PCDHGB1: variants seen among roughly 807,000 people sequenced by gnomAD.
PCDHGB1 encodes protocadherin gamma-B1.
A neutral mutation model predicts 56.6 loss-of-function variants in PCDHGB1; 34 were observed. The observed-to-expected ratio is 0.60, with a 90% CI of 0.46 to 0.80. The LOEUF is 0.80. Ranked by LOEUF, PCDHGB1 falls within the 30% of genes least tolerant of loss-of-function variation. PCDHGB1 has a pLI of 0.00. For missense variants in PCDHGB1, 1,278 were observed against 1,204.6 expected (o/e 1.06, Z -0.90); for synonymous variants, 561 against 505.9 (o/e 1.11, Z -1.46).
chr5:141,415,177 G>C, intron 1 of PCDHGB1: 3 of 1,613,926 alleles, frequency 1.9e-6, no homozygotes, highest in Non-Finnish European at 2.5e-6. Context: ...CACCGTGGCC[G>C]TGGCCGACAG....
chr5:141,384,606 A>G (rs770325322), intron 1 of PCDHGB1: 1 of 1,614,152 alleles, frequency 6.2e-7, no homozygotes, highest in Admixed American at 1.7e-5. Context: ...CCCTCCCCAC[A>G]GATGGTTCTA....
intron 1 of PCDHGB1, chr5:141,375,832 G>A (rs1771947844): frequency 2.5e-6 from 4 of 1,614,028 alleles, no homozygotes; most frequent in Non-Finnish European, 3.4e-6. Context: ...GCTCCGCAGA[G>A]CCCGGCTACC....
intron 1 of PCDHGB1, chr5:141,419,630 G>A (rs1484627772): frequency 6.2e-7 from 1 of 1,612,430 alleles, no homozygotes; most frequent in South Asian, 1.1e-5. Context: ...GGTGACCAAG[G>A]TGGTGGCCGT....
In PCDHGB1 at chr5:141,485,956, C is replaced by T. The variant is rs1430530851; in HGVS notation, c.2410-8851C>T. 1 of 1,614,150 alleles carries T rather than the reference C, an allele frequency of 6.2e-7. No individual in the cohort carries two copies. Among genetic ancestry groups the T allele is most frequent in the South Asian group, 1.1e-5 (1 of 91,074 alleles). ...AGAGCGCACCAGCGGGCATGGTGCT[C>T]ATCCAGCTCAATGCCTCAGACCCGG... On this transcript the variant is annotated intron_variant, in intron 1 of 3. Coordinates refer to ENST00000523390, the MANE Select transcript of PCDHGB1 (RefSeq NM_018922.3). This position sits in a 1 kb window ranked among gnomAD's most constrained non-coding sequence, Gnocchi z 5.7.
chr5:141,355,141 G>GAAAA, intron 1 of PCDHGB1: 1 of 1,526,010 alleles, frequency 6.6e-7, no homozygotes, highest in East Asian at 2.3e-5. Flanking sequence ...AGATCCTGGG[G>GAAAA]CTCCTCAGGC....
Position 141,366,742 on chromosome 5 carries a change from G to A in PCDHGB1, c.2409+14073G>A, listed in dbSNP as rs762560261. ...AGGTAGATGCAAACAAAGAAGAACGGCGAGTTCAGGTTAGTTTTCTCTTTC... is the reference window on the plus strand; with the variant it reads ...AGGTAGATGCAAACAAAGAAGAACGACGAGTTCAGGTTAGTTTTCTCTTTC... On this transcript the variant is annotated intron_variant, in intron 1 of 3. Transcript: ENST00000523390. 3 of 1,611,864 alleles carry A rather than the reference G, an allele frequency of 1.9e-6. No homozygotes were observed. The East Asian group carries it at 6.7e-5, about 36-fold the overall frequency.
intron 1 of PCDHGB1, chr5:141,383,409 C>A (rs199780721): frequency 4.3e-6 from 7 of 1,613,892 alleles, no homozygotes; most frequent in Non-Finnish European, 5.9e-6. Flanking sequence ...TCCAGAGTTA[C>A]CAGCTCAGCC....
In PCDHGB1 at chr5:141,489,094, G is replaced by T; in HGVS notation, c.2410-5713G>T. The T allele has an allele frequency of 1.5e-5, 6 of 395,994 alleles. No homozygotes were observed. The highest frequency in any genetic ancestry group is 4.1e-5 in the East Asian group (1 of 24,388). The allele number at this position is 395,994 out of a possible 1,614,324, so 24.5% of individuals were successfully genotyped here. ...CCCACCCCCGCCACTCGGTGACTAA[G>T]AACTGCTGCAAGCAGGCAAACCTCC... On this transcript the variant is annotated intron_variant, in intron 1 of 3. Coordinates refer to ENST00000523390, the MANE Select transcript of PCDHGB1 (RefSeq NM_018922.3). This position sits in a 1 kb window ranked among gnomAD's most constrained non-coding sequence, Gnocchi z 4.5.
chr5:141,477,059 A>G lies in PCDHGB1; in HGVS notation c.2410-17748A>G. On this transcript the variant is annotated intron_variant, in intron 1 of 3. Coordinates refer to ENST00000523390, the MANE Select transcript of PCDHGB1 (RefSeq NM_018922.3). This position sits in a 1 kb window ranked among gnomAD's most constrained non-coding sequence, Gnocchi z 4.9. ...CAAGGGTCGGCTGGACTTCGAGGAC[A>G]CCAAACTCCATGAGATTTACATCCA... The G allele has an allele frequency of 1.2e-6, 2 of 1,614,238 alleles. No individual in the cohort carries two copies. Among genetic ancestry groups the G allele is most frequent in the Non-Finnish European group, 1.7e-6 (2 of 1,180,036 alleles).
At chr5:141,365,854 C>T (rs570866859) in intron 1 of PCDHGB1, 1 of 1,614,060 alleles carries the variant, frequency 6.2e-7, no homozygotes, top group Non-Finnish European at 8.5e-7. Flanking sequence ...TATCCATTAA[C>T]TCTGACACCG....
chr5:141,388,004 A>G, intron 1 of PCDHGB1: 1 of 1,482,610 alleles, frequency 6.7e-7, no homozygotes, highest in Non-Finnish European at 9.1e-7. Context: ...TTCCCGAGGA[A>G]ATGCCCAAGG....
chr5:141,432,413 G>T lies in PCDHGB1; in HGVS notation c.2410-62394G>T, dbSNP rs369816901. On this transcript the variant is annotated intron_variant, in intron 1 of 3. Transcript: ENST00000523390. This position sits in a 1 kb window ranked among gnomAD's most constrained non-coding sequence, Gnocchi z 6.0. ...CAGCAACGTGTCGTTGAGCCTGTTCGTGCTGGACCAGAACGACAATGCGCC... is the reference window on the plus strand; with the variant it reads ...CAGCAACGTGTCGTTGAGCCTGTTCTTGCTGGACCAGAACGACAATGCGCC... The T allele has an allele frequency of 6.2e-7, 1 of 1,614,232 alleles. No homozygotes were observed.
intron 1 of PCDHGB1, among the ~76,000 whole-genome samples, chr5:141,463,541 C>T (rs1423301726): frequency 2.7e-5 from 4 of 150,402 alleles, no homozygotes; most frequent in East Asian, 2.0e-4. Flanking sequence ...CTCCGGCTCC[C>T]GGGTTCATGC....
intron 1 of PCDHGB1, among the ~76,000 whole-genome samples, chr5:141,494,030 A>G (rs1165393646): frequency 6.6e-6 from 1 of 151,978 alleles, no homozygotes; most frequent in Non-Finnish European, 1.5e-5. Context: ...AGCCCTGGAG[A>G]CTTAGTTGGC....
intron 1 of PCDHGB1, chr5:141,413,972 T>G: frequency 6.2e-7 from 1 of 1,613,420 alleles, no homozygotes; most frequent in Non-Finnish European, 8.5e-7. Context: ...ACTCAGCTGC[T>G]GACAGTCACA....
At chr5:141,448,215 C>T (rs927573458) in intron 1 of PCDHGB1, among the ~76,000 whole-genome samples, 5 of 152,046 alleles carry the variant, frequency 3.3e-5, no homozygotes, top group African/African-American at 9.7e-5. Flanking sequence ...TGTGTGTATG[C>T]GAATGTATGT....
At position 141,351,722 on chromosome 5, in the gene PCDHGB1, C is replaced by G. The variant is rs777803553; in HGVS notation, c.1462C>G (p.Leu488Val). ...CAACGGCAGAGTCTCCTACTCTATT[C>G]TGGCCAGTGACCTGGAGCCGCGGGA... ...GPNGRVSYSI[L>V]ASDLEPRELL... is the part of the protein sequence containing the mutation. Residue 488 changes from leucine to valine, a missense_variant, in exon 1 of 4, where the codon CTG becomes GTG. Coordinates refer to ENST00000523390, the MANE Select transcript of PCDHGB1 (RefSeq NM_018922.3). 6.2e-7 allele frequency: 1 copy of G among 1,613,810 alleles called. No individual in the cohort carries two copies. The highest frequency in any genetic ancestry group is 2.2e-5 in the East Asian group (1 of 44,880).
At chr5:141,376,494 C>G (rs1343101587) in intron 1 of PCDHGB1, 12 of 1,614,004 alleles carry the variant, frequency 7.4e-6, no homozygotes, top group Non-Finnish European at 1.0e-5. Context: ...AAAGGAGAAC[C>G]CAGGCAACTT....
At chr5:141,392,899 G>A in intron 1 of PCDHGB1, 1 of 1,613,820 alleles carries the variant, frequency 6.2e-7, no homozygotes, top group Admixed American at 1.7e-5. Flanking sequence ...ATCGGGAGGG[G>A]ACAGATTCGC....
Sources: gnomAD v4.1 joint callset for allele counts (sites outside exome capture counted in the v4.1 genomes callset) on GRCh38, gnomAD v4.1.1 for gene constraint, Gnocchi (gnomAD v3.1) non-coding constraint, MANE v1.5 for transcripts, NCBI Gene and HGNC (gene_info 2026-07-23, HGNC 2026-07-21) for gene names.